Variants in GSDME observed in about 807,000 individuals in gnomAD.
GSDME encodes the protein gasdermin E.
Under a neutral mutation model 47.5 loss-of-function variants are expected in GSDME, and 44 were observed. The observed-to-expected ratio is 0.93, with a 90% confidence interval of 0.73 to 1.19. GSDME has a LOEUF of 1.19. Among genes scored for constraint, GSDME ranks in the 50% most tolerant of loss-of-function variants. The pLI is 0.00. For synonymous variants in GSDME, 258 were observed against 252.8 expected (o/e 1.02, Z -0.20); for missense variants, 663 against 604.2 (o/e 1.10, Z -1.02).
the GSDME span, among the ~76,000 whole-genome samples, chr7:24,775,378 T>C: frequency 1.3e-5 from 2 of 152,232 alleles, no homozygotes; most frequent in East Asian, 3.8e-4. Context: ...TGTGATGATA[T>C]CCGTTTAATT....
chr7:24,707,878 TG>T, intron 7 of GSDME: 1 of 558,100 alleles, frequency 1.8e-6, no homozygotes, highest in South Asian at 2.4e-5. Flanking sequence ...TCCAAAACTA[TG>T]AGAGAATAAA....
chr7:24,712,312 A>T lies in GSDME; in HGVS notation c.698-1924T>A, dbSNP rs1253370073. Among the ~76,000 whole-genome samples, 1 of 152,164 alleles carries T rather than the reference A, an allele frequency of 6.6e-6. No homozygotes were observed. Among genetic ancestry groups the T allele is most frequent in the Admixed American group, 6.5e-5 (1 of 15,274 alleles). On this transcript the variant is annotated intron_variant, in intron 5 of 9. Coordinates refer to ENST00000645220, the MANE Select transcript of GSDME (RefSeq NM_001127453.2). This position sits in a 1 kb window ranked among gnomAD's most constrained non-coding sequence, Gnocchi z 4.4. ...GAGGACAGGAGCCTTGACCATTCAC[A>T]CAGCCTCAAATTCTGCCAGAAGCCC...
rs1790635851 is a variant in GSDME, at chr7:24,745,349, C to T, written c.212-595G>A. Among the ~76,000 whole-genome samples the T allele has an allele frequency of 6.6e-6, 1 of 152,104 alleles. No homozygotes were observed. The highest frequency in any genetic ancestry group is 1.5e-5 in the Non-Finnish European group (1 of 68,014). On this transcript the variant is annotated intron_variant, in intron 2 of 9. Coordinates refer to ENST00000645220, the MANE Select transcript of GSDME (RefSeq NM_001127453.2). The surrounding 1 kb of genome is among the most constrained non-coding windows in gnomAD (Gnocchi z 4.4). The stretch of plus-strand genomic sequence containing the variant: ...TGTCTGGGGGCATCTTGTCTACCCA[C>T]CCACCAGTCTTGGAAAACAATCCCC...
chr7:24,739,847 C>G lies in GSDME; in HGVS notation c.404+4715G>C, dbSNP rs1417761259. 1.3e-5 allele frequency among the ~76,000 whole-genome samples: 2 copies of G among 152,096 alleles called. No homozygotes were observed. Among genetic ancestry groups the G allele is most frequent in the African/African-American group, 4.8e-5 (2 of 41,396 alleles). ...CAGTGGCTCACGCCCATAATCCTAG[C>G]ACTTTGGGAGGCTAAGGCAGGCGGA... On this transcript the variant is annotated intron_variant, in intron 3 of 9. Coordinates refer to ENST00000645220, the MANE Select transcript of GSDME (RefSeq NM_001127453.2). The surrounding 1 kb of genome is among the most constrained non-coding windows in gnomAD (Gnocchi z 5.1).
At chr7:24,713,835 T>C (rs1030638213) in intron 5 of GSDME, among the ~76,000 whole-genome samples, 2 of 152,194 alleles carry the variant, frequency 1.3e-5, no homozygotes, top group Non-Finnish European at 2.9e-5. Context: ...AGAGCCCCTG[T>C]AGTCCCAGCT....
intron 3 of GSDME, among the ~76,000 whole-genome samples, chr7:24,730,919 C>T (rs1207412638): frequency 1.3e-5 from 2 of 152,174 alleles, no homozygotes; most frequent in Non-Finnish European, 2.9e-5. Context: ...GTCCCCAGCA[C>T]ACCCTTCTCT....
At chr7:24,791,280 C>T in the GSDME span, among the ~76,000 whole-genome samples, 16 of 152,228 alleles carry the variant, frequency 1.1e-4, no homozygotes, top group Non-Finnish European at 2.1e-4. This position sits in a 1 kb window ranked among gnomAD's most constrained non-coding sequence, Gnocchi z 4.8. Context: ...CAGCCACAAA[C>T]ACCAGCCCAT....
rs1396434768 is a variant in GSDME, at chr7:24,724,289, G to A, written c.405-5071C>T. ...TAGCCCTGTGCTATCCACCCAGCTG[G>A]GGGATAAAATGAATGGTTTATCACA... On this transcript the variant is annotated intron_variant, in intron 3 of 9. Transcript: ENST00000645220. This position sits in a 1 kb window ranked among gnomAD's most constrained non-coding sequence, Gnocchi z 4.8. Among the ~76,000 whole-genome samples, 9 of 152,110 alleles carry A rather than the reference G, an allele frequency of 5.9e-5. No homozygotes were observed. The highest frequency in any genetic ancestry group is 1.3e-4 in the Non-Finnish European group (9 of 68,022).
In GSDME at chr7:24,733,536, C is replaced by CA. The variant is rs1273496793; in HGVS notation, c.404+11025dup. Among the ~76,000 whole-genome samples, 2 of 152,126 alleles carry CA rather than the reference C, an allele frequency of 1.3e-5. No homozygotes were observed. The highest frequency in any genetic ancestry group is 1.9e-4 in the East Asian group (1 of 5,180). On this transcript the variant is annotated intron_variant, in intron 3 of 9. Coordinates refer to ENST00000645220, the MANE Select transcript of GSDME (RefSeq NM_001127453.2). The surrounding 1 kb of genome is among the most constrained non-coding windows in gnomAD (Gnocchi z 4.3). Reference sequence around the variant, plus strand: ...GCATTTCTGGACCTACCCAGGCCCACAGGGGACCCCACTGCCCTGAAGAGT... The same window carrying CA: ...GCATTTCTGGACCTACCCAGGCCCACAAGGGGACCCCACTGCCCTGAAGAGT...
rs113761118 is a variant in GSDME, at chr7:24,726,087, G to A, written c.405-6869C>T. Among the ~76,000 whole-genome samples, 32 of 152,268 alleles carry A rather than the reference G, an allele frequency of 2.1e-4. No individual in the cohort carries two copies. The highest frequency in any genetic ancestry group is 4.3e-4 in the Non-Finnish European group (29 of 68,022). On this transcript the variant is annotated intron_variant, in intron 3 of 9. Transcript: ENST00000645220. The surrounding 1 kb of genome is among the most constrained non-coding windows in gnomAD (Gnocchi z 5.6). ...GGCTCAGAGCCCAGCGTGGTTGCTGGGGACCAGAGCAGCCCAGCAGGAAGG... is the reference window on the plus strand; with the variant it reads ...GGCTCAGAGCCCAGCGTGGTTGCTGAGGACCAGAGCAGCCCAGCAGGAAGG...
At position 24,705,847 on chromosome 7, in the gene GSDME, C is replaced by T. The variant is rs1477469761; in HGVS notation, c.1183+337G>A. On this transcript the variant is annotated intron_variant, in intron 8 of 9. Transcript: ENST00000645220. The surrounding 1 kb of genome is among the most constrained non-coding windows in gnomAD (Gnocchi z 4.1). Reference sequence around the variant, plus strand: ...TTGGCAAATGAAAGTTGCTGCCACTCAGCTCTGCTGGGACTCCGGAGTGAA... The same window carrying T: ...TTGGCAAATGAAAGTTGCTGCCACTTAGCTCTGCTGGGACTCCGGAGTGAA... The T allele has an allele frequency of 2.5e-6, 1 of 403,550 alleles. No homozygotes were observed. The highest frequency in any genetic ancestry group is 2.0e-5 in the African/African-American group (1 of 48,926). 25.0% of individuals were successfully genotyped at this position (403,550 alleles called of 1,614,324 possible).
rs547804550 is a variant in GSDME at position 24,720,938 on chromosome 7, C to CATCTGCTG, written c.405-1728_405-1721dup. On this transcript the variant is annotated intron_variant, in intron 3 of 9. Coordinates refer to ENST00000645220, the MANE Select transcript of GSDME (RefSeq NM_001127453.2). ...AAAAAAAAAAGAAGTGAAGTTCTGACATCTGCTGCAACATGGGTGAACCTT... is the reference window on the plus strand; with the variant it reads ...AAAAAAAAAAGAAGTGAAGTTCTGACATCTGCTGATCTGCTGCAACATGGGTGAACCTT... Among the ~76,000 whole-genome samples the CATCTGCTG allele has an allele frequency of 2.6e-5, 4 of 151,442 alleles. No individual in the cohort carries two copies. In the South Asian group the frequency reaches 8.3e-4, roughly 32 times the overall value.
At chr7:24,708,456 G>C (rs1392945240) in intron 6 of GSDME, among the ~76,000 whole-genome samples, 1 of 152,150 alleles carries the variant, frequency 6.6e-6, no homozygotes, top group Non-Finnish European at 1.5e-5. Context: ...GGAGGGAGGA[G>C]AGAGAGAGAA....
chr7:24,752,956 G>T (rs578181445), intron 1 of GSDME, among the ~76,000 whole-genome samples: 5 of 150,712 alleles, frequency 3.3e-5, no homozygotes, highest in Admixed American at 2.0e-4. Context: ...GGGATTAGAC[G>T]GTAAAAAAGA....
the GSDME span, among the ~76,000 whole-genome samples, chr7:24,788,033 T>C: frequency 6.6e-6 from 1 of 152,186 alleles, no homozygotes; most frequent in Non-Finnish European, 1.5e-5. The surrounding 1 kb of genome is among the most constrained non-coding windows in gnomAD (Gnocchi z 4.6). Flanking sequence ...CAGTTGATCA[T>C]AATTTGCCTT....
In GSDME at chr7:24,698,558, C is replaced by T. The variant is rs542923347; in HGVS notation, c.*468G>A. On this transcript the variant is annotated 3_prime_UTR_variant, in exon 10 of 10. Coordinates refer to ENST00000645220, the MANE Select transcript of GSDME (RefSeq NM_001127453.2). ...GAGGAATATACTCTAGGAGCATTTACAGTTCATTTTCAGTCATCAAATAAC... is the reference window on the plus strand; with the variant it reads ...GAGGAATATACTCTAGGAGCATTTATAGTTCATTTTCAGTCATCAAATAAC... 1 of 238,432 alleles carries T rather than the reference C, an allele frequency of 4.2e-6. No individual in the cohort carries two copies. The highest frequency in any genetic ancestry group is 8.3e-6 in the Non-Finnish European group (1 of 120,776). The allele number at this position is 238,432 out of a possible 1,614,324, so 14.8% of individuals were successfully genotyped here. A position where few individuals can be genotyped will look rare whatever the true frequency, so the allele number is the denominator to read the frequency against.
In GSDME at chr7:24,755,351, GA is replaced by G. The variant is rs376909117; in HGVS notation, c.-20+2044del. Among the ~76,000 whole-genome samples the G allele has an allele frequency of 1.7e-3, 263 of 152,226 alleles. 2 individuals carry two copies. The highest frequency in any genetic ancestry group is 6.1e-3 in the African/African-American group (255 of 41,550). On this transcript the variant is annotated intron_variant, in intron 1 of 9. Transcript: ENST00000645220. ...TCCTAATGAGTGACTGCTGCTTCCT[GA>G]CCAATCACAGCTATAGCCTCTCTCT... is the stretch of plus-strand genomic sequence containing the variant.
chr7:24,737,122 C>G (rs906564841), intron 3 of GSDME, among the ~76,000 whole-genome samples: 9 of 151,856 alleles, frequency 5.9e-5, no homozygotes, highest in Middle Eastern at 3.4e-3. Flanking sequence ...CAAACCAAAT[C>G]CAAAGCTAGT....
intron 5 of GSDME, chr7:24,715,500 C>T (rs1232256918): frequency 2.1e-6 from 1 of 470,826 alleles, no homozygotes; most frequent in Non-Finnish European, 4.4e-6. Context: ...CCTCAGTAAG[C>T]TGCGGGGGAG....
Sources: allele counts gnomAD v4.1 joint callset (sites outside exome capture counted in the v4.1 genomes callset), GRCh38; gene constraint gnomAD v4.1.1; non-coding constraint Gnocchi (gnomAD v3.1); transcripts MANE v1.5; gene names NCBI Gene and HGNC (gene_info 2026-07-23, HGNC 2026-07-21).